ARHGAP35: variants seen among roughly 807,000 people sequenced by gnomAD.
The protein encoded by ARHGAP35 is rho GTPase-activating protein 35.
ARHGAP35 carries 15 observed loss-of-function variants against 111.1 expected under a neutral mutation model. That is an observed-to-expected ratio of 0.13 (90% CI 0.09 to 0.21). ARHGAP35 has a LOEUF of 0.21. Among genes scored for constraint, ARHGAP35 ranks in the 10% least tolerant of loss-of-function variants. ARHGAP35 has a pLI of 1.00. For missense variants in ARHGAP35, 1,262 were observed against 1,873.0 expected, an observed-to-expected ratio of 0.67 and a Z score of 6.02; for synonymous variants, 643 against 710.3, an observed-to-expected ratio of 0.91 and a Z score of 1.51.
intron 3 of ARHGAP35, among the ~76,000 whole-genome samples, chr19:46,939,072 A>G (rs905093779): frequency 6.6e-6 from 1 of 152,226 alleles, no homozygotes; most frequent in Non-Finnish European, 1.5e-5. Context: ...AGCACTTGGC[A>G]TAATCATTAC....
intron 1 of ARHGAP35, among the ~76,000 whole-genome samples, chr19:46,899,636 G>C (rs924641371): frequency 3.3e-5 from 5 of 151,774 alleles, no homozygotes; most frequent in African/African-American, 4.8e-5. Flanking sequence ...GGAGGTTGAG[G>C]CTGTGGTGAG....
At chr19:46,937,203 G>A (rs1193395726) in intron 2 of ARHGAP35, 61 bp from the exon 3 acceptor site, 2 of 1,594,778 alleles carry the variant, frequency 1.3e-6, no homozygotes, top group East Asian at 2.2e-5. Flanking sequence ...CCTTACTGAT[G>A]TTTAAGTTAC....
rs1309787594 is a variant in ARHGAP35, at chr19:46,920,688, A to G, written c.2013A>G (p.Leu671=). The change falls in exon 2 of 7, where the codon CTA becomes CTG. Residue 671 remains leucine (L), a synonymous_variant. Coordinates refer to ENST00000672722, the MANE Select transcript of ARHGAP35 (RefSeq NM_004491.5). The surrounding 1 kb of genome is among the most constrained non-coding windows in gnomAD (Gnocchi z 7.0). ...CLCLYNSKES[L]SYVVESIEKS... Reference sequence around the variant, plus strand: ...GCCTTTACAATTCAAAGGAATCGCTATCCTATGTAGTGGAAAGTATAGAGA... The same window carrying G: ...GCCTTTACAATTCAAAGGAATCGCTGTCCTATGTAGTGGAAAGTATAGAGA... The G allele has an allele frequency of 6.2e-7, 1 of 1,613,952 alleles. No homozygotes were observed. Among genetic ancestry groups the G allele is most frequent in the Non-Finnish European group, 8.5e-7 (1 of 1,179,874 alleles).
intron 3 of ARHGAP35, among the ~76,000 whole-genome samples, chr19:46,979,415 G>A (rs1568485952): frequency 1.3e-5 from 2 of 152,302 alleles, no homozygotes; most frequent in East Asian, 1.9e-4. Context: ...TCCAGAATGG[G>A]CAGGGTGTCA....
intron 1 of ARHGAP35, among the ~76,000 whole-genome samples, chr19:46,898,223 A>G (rs1463640328): frequency 6.6e-6 from 1 of 151,526 alleles, no homozygotes; most frequent in Non-Finnish European, 1.5e-5. Context: ...GCCTGGCTAC[A>G]ATGCGAGACT....
rs766498371 is a variant in ARHGAP35 at position 47,001,135 on chromosome 19, AC to A, written c.*449del. 40 of 1,226,228 alleles carry A rather than the reference AC, an allele frequency of 3.3e-5. No homozygotes were observed. Among genetic ancestry groups the A allele is most frequent in the Non-Finnish European group, 3.6e-5 (35 of 960,786 alleles). 76.0% of individuals were successfully genotyped at this position (1,226,228 alleles called of 1,614,324 possible). A position where few individuals can be genotyped will look rare whatever the true frequency, so the allele number is the denominator to read the frequency against. On this transcript the variant is annotated 3_prime_UTR_variant, in exon 7 of 7. Transcript: ENST00000672722. This position sits in a 1 kb window ranked among gnomAD's most constrained non-coding sequence, Gnocchi z 5.4. ...ACTTCCTGTTGGTCTGTCTCTTCCC[AC>A]CTTCCATCTGCACACACCCCCAAGG... is the stretch of plus-strand genomic sequence containing the variant.
intron 1 of ARHGAP35, among the ~76,000 whole-genome samples, chr19:46,900,576 A>C (rs983875530): frequency 6.6e-6 from 1 of 152,114 alleles, no homozygotes; most frequent in African/African-American, 2.4e-5. Flanking sequence ...TGATAACTTG[A>C]GGTAATACTT....
rs544865417 is a variant in ARHGAP35, at chr19:46,903,791, T to C, written c.-188-14697T>C. Among the ~76,000 whole-genome samples, 3 of 152,350 alleles carry C rather than the reference T, an allele frequency of 2.0e-5. No homozygotes were observed. The East Asian group carries it at 5.8e-4, about 29-fold the overall frequency. Reference sequence around the variant, plus strand: ...CTTATCTAAAGGAAAATCATGAAGCTAGCACTTTATAGAAAATGCACTTAT... The same window carrying C: ...CTTATCTAAAGGAAAATCATGAAGCCAGCACTTTATAGAAAATGCACTTAT... On this transcript the variant is annotated intron_variant, in intron 1 of 6. Coordinates refer to ENST00000672722, the MANE Select transcript of ARHGAP35 (RefSeq NM_004491.5).
Position 46,989,805 on chromosome 19 carries a change from T to C in ARHGAP35, c.4036+130T>C. Reference sequence around the variant, plus strand: ...TTTGAAGGACAGAGGGCAAGGGAATTAACCAGATGACAGCAATGGGACTTG... The same window carrying C: ...TTTGAAGGACAGAGGGCAAGGGAATCAACCAGATGACAGCAATGGGACTTG... On this transcript the variant is annotated intron_variant, in intron 5 of 6. Coordinates refer to ENST00000672722, the MANE Select transcript of ARHGAP35 (RefSeq NM_004491.5). The surrounding 1 kb of genome is among the most constrained non-coding windows in gnomAD (Gnocchi z 5.3). 6.9e-7 allele frequency: 1 copy of C among 1,445,476 alleles called. No individual in the cohort carries two copies. Among genetic ancestry groups the C allele is most frequent in the Middle Eastern group, 2.4e-4 (1 of 4,098 alleles). 89.5% of individuals were successfully genotyped at this position (1,445,476 alleles called of 1,614,324 possible).
At chr19:46,972,168 C>T (rs1249441578) in intron 3 of ARHGAP35, among the ~76,000 whole-genome samples, 3 of 152,188 alleles carry the variant, frequency 2.0e-5, no homozygotes, top group Admixed American at 1.3e-4. Flanking sequence ...ATCAGCACGC[C>T]AGGCTACTTT....
At chr19:46,980,201 A>G (rs2056613873) in intron 3 of ARHGAP35, among the ~76,000 whole-genome samples, 2 of 152,140 alleles carry the variant, frequency 1.3e-5, no homozygotes, top group Admixed American at 1.3e-4. Flanking sequence ...CCTGGCCAAC[A>G]TGGTGAAACC....
chr19:46,978,656 T>TG (rs1361431356), intron 3 of ARHGAP35, among the ~76,000 whole-genome samples: 4 of 67,140 alleles, frequency 6.0e-5, no homozygotes, highest in Non-Finnish European at 9.1e-5. Flanking sequence ...GTGTGTGTGG[T>TG]GGGTGTGTGT....
intron 1 of ARHGAP35, among the ~76,000 whole-genome samples, chr19:46,892,121 AC>A (rs2056027041): frequency 7.4e-6 from 1 of 134,702 alleles, no homozygotes; most frequent in Non-Finnish European, 1.6e-5. Context: ...CCCTGTCTCT[AC>A]TAAAAAAAAA....
intron 1 of ARHGAP35, among the ~76,000 whole-genome samples, chr19:46,887,850 T>A (rs748594510): frequency 6.6e-6 from 1 of 152,126 alleles, no homozygotes; most frequent in Non-Finnish European, 1.5e-5. Context: ...TGGCTTAGAT[T>A]TTATTTTTTT....
At position 46,920,916 on chromosome 19, in the gene ARHGAP35, T is replaced by C. The variant is rs754333661; in HGVS notation, c.2241T>C (p.Asn747=). 1.2e-5 allele frequency: 19 copies of C among 1,613,694 alleles called. No individual in the cohort carries two copies. In the Middle Eastern group the frequency reaches 4.9e-4, roughly 42 times the overall value. The change falls in exon 2 of 7, where the codon AAT becomes AAC. Residue 747 remains asparagine, a synonymous_variant. Coordinates refer to ENST00000672722, the MANE Select transcript of ARHGAP35 (RefSeq NM_004491.5). The surrounding 1 kb of genome is among the most constrained non-coding windows in gnomAD (Gnocchi z 7.0). ...GCATTGGTTACGGACGCAACATTAA[T>C]GAAAAGCAAATCAGTCAAGTTTTGA... ...SAGIGYGRNI[N]EKQISQVLKG... is the part of the protein sequence containing the mutation.
At chr19:46,865,435 A>T (rs1355200258) in intron 1 of ARHGAP35, among the ~76,000 whole-genome samples, 1 of 152,178 alleles carries the variant, frequency 6.6e-6, no homozygotes, top group Non-Finnish European at 1.5e-5. Context: ...CGATGCATTT[A>T]GAACAGTGAC....
At chr19:46,983,743 A>G (rs944235416) in intron 3 of ARHGAP35, among the ~76,000 whole-genome samples, 1 of 150,780 alleles carries the variant, frequency 6.6e-6, no homozygotes, top group Non-Finnish European at 1.5e-5. Flanking sequence ...CCTCCCGAGT[A>G]GCTGGGACTA....
At chr19:46,862,944 T>C (rs2055836870) in intron 1 of ARHGAP35, among the ~76,000 whole-genome samples, 1 of 151,898 alleles carries the variant, frequency 6.6e-6, no homozygotes, top group East Asian at 1.9e-4. Context: ...TCCTATGTAT[T>C]CCCCCCCACC....
At chr19:46,897,043 G>T (rs2056061133) in intron 1 of ARHGAP35, among the ~76,000 whole-genome samples, 1 of 150,094 alleles carries the variant, frequency 6.7e-6, no homozygotes, top group Non-Finnish European at 1.5e-5. Context: ...ACAAGCGCAT[G>T]CCACCACACC....
Sources: gnomAD v4.1 joint callset for allele counts (sites outside exome capture counted in the v4.1 genomes callset) on GRCh38, gnomAD v4.1.1 for gene constraint, Gnocchi (gnomAD v3.1) non-coding constraint, MANE v1.5 for transcripts, NCBI Gene and HGNC (gene_info 2026-07-23, HGNC 2026-07-21) for gene names.